Variants in SYNDIG1 observed in about 807,000 individuals in gnomAD.
SYNDIG1 encodes the protein synapse differentiation-inducing gene protein 1.
Under a neutral mutation model 19.4 loss-of-function variants are expected in SYNDIG1, and 9 were observed. The observed-to-expected ratio is 0.46, with a 90% CI of 0.28 to 0.81. The LOEUF is 0.81. Ranked by LOEUF, SYNDIG1 falls within the 30% of genes least tolerant of loss-of-function variation. The pLI is 0.12. For synonymous variants in SYNDIG1, 141 were observed against 145.9 expected (o/e 0.97, Z 0.24); for missense variants, 311 against 343.3 (o/e 0.91, Z 0.74).
In SYNDIG1 at chr20:24,658,813, C is replaced by T. The variant is rs1568721231; in HGVS notation, c.619-6533C>T. ...CGTTTTCTCCCAGATCCATGCTGTC[C>T]AGTGTGGGACCCCCAGCCATGGGTG... On this transcript the variant is annotated intron_variant, in intron 3 of 3. Coordinates refer to ENST00000376862, the MANE Select transcript of SYNDIG1 (RefSeq NM_024893.3). The surrounding 1 kb of genome is among the most constrained non-coding windows in gnomAD (Gnocchi z 4.4). Among the ~76,000 whole-genome samples the T allele has an allele frequency of 6.6e-6, 1 of 152,128 alleles. No homozygotes were observed. Among genetic ancestry groups the T allele is most frequent in the Non-Finnish European group, 1.5e-5 (1 of 68,016 alleles).
chr20:24,637,923 A>G (rs561373198), intron 3 of SYNDIG1, among the ~76,000 whole-genome samples: 2 of 152,334 alleles, frequency 1.3e-5, no homozygotes, highest in Admixed American at 1.3e-4. Context: ...GGGCTATCCT[A>G]GAAGCATCTT....
In SYNDIG1 at chr20:24,655,813, G is replaced by A. The variant is rs538718680; in HGVS notation, c.619-9533G>A. Among the ~76,000 whole-genome samples, 8 of 150,882 alleles carry A rather than the reference G, an allele frequency of 5.3e-5. No homozygotes were observed. In the South Asian group the frequency reaches 1.5e-3, roughly 28 times the overall value. On this transcript the variant is annotated intron_variant, in intron 3 of 3. Transcript: ENST00000376862. Reference sequence around the variant, plus strand: ...AAAAGACTAGAATGTTCATAGCAGAGCTATCCATAGTAGCCCAAAACTAGA... The same window carrying A: ...AAAAGACTAGAATGTTCATAGCAGAACTATCCATAGTAGCCCAAAACTAGA...
intron 1 of SYNDIG1, among the ~76,000 whole-genome samples, chr20:24,470,243 G>A (rs1378672888): frequency 1.3e-5 from 2 of 152,228 alleles, no homozygotes; most frequent in Non-Finnish European, 2.9e-5. Context: ...GGTGAGCCGG[G>A]CGGCCACGGA....
At chr20:24,595,589 T>G (rs1027187635) in intron 3 of SYNDIG1, among the ~76,000 whole-genome samples, 1 of 152,242 alleles carries the variant, frequency 6.6e-6, no homozygotes. Flanking sequence ...CTCTTCTTTA[T>G]GCATCTGGTG....
intron 2 of SYNDIG1, among the ~76,000 whole-genome samples, chr20:24,583,956 A>C (rs1220029205): frequency 6.6e-6 from 1 of 152,180 alleles, no homozygotes; most frequent in East Asian, 1.9e-4. Flanking sequence ...GTTATGAAAT[A>C]ATCTGTGCAC....
At chr20:24,491,654 C>A (rs552440321) in intron 1 of SYNDIG1, 2 of 152,422 alleles carry the variant, frequency 1.3e-5, no homozygotes, top group Admixed American at 1.3e-4. Context: ...CCAACACTGA[C>A]ACTGACCTTA....
chr20:24,624,718 A>T (rs1447791016), intron 3 of SYNDIG1, among the ~76,000 whole-genome samples: 2 of 152,226 alleles, frequency 1.3e-5, no homozygotes, highest in Non-Finnish European at 2.9e-5. Flanking sequence ...CATTAAAAGA[A>T]CATTTCATTC....
At chr20:24,561,403 G>A (rs539665978) in intron 2 of SYNDIG1, among the ~76,000 whole-genome samples, 11 of 152,278 alleles carry the variant, frequency 7.2e-5, no homozygotes, top group Admixed American at 3.3e-4. Flanking sequence ...TAGGAGAGCT[G>A]GAAGCACCTC....
intron 3 of SYNDIG1, among the ~76,000 whole-genome samples, chr20:24,604,706 G>T (rs1427862986): frequency 6.6e-6 from 1 of 152,068 alleles, no homozygotes; most frequent in African/African-American, 2.4e-5. Context: ...CCTCCCTTGG[G>T]GCTGCTCTGC....
chr20:24,512,145 A>G (rs1438181565), intron 1 of SYNDIG1, among the ~76,000 whole-genome samples: 3 of 118,914 alleles, frequency 2.5e-5, no homozygotes, highest in African/African-American at 6.1e-5. Context: ...ATATATATAT[A>G]TATATATATG....
At chr20:24,639,985 A>G (rs568886742) in intron 3 of SYNDIG1, among the ~76,000 whole-genome samples, 2 of 152,334 alleles carry the variant, frequency 1.3e-5, no homozygotes, top group Admixed American at 6.5e-5. Context: ...CTAGTAAATA[A>G]CACTACATAT....
chr20:24,596,761 C>T (rs1220628985), intron 3 of SYNDIG1: 3 of 152,388 alleles, frequency 2.0e-5, no homozygotes, highest in Non-Finnish European at 4.4e-5. Context: ...GAGCCCTTCC[C>T]CTGCATTCAG....
At chr20:24,630,691 G>C (rs1032982586) in intron 3 of SYNDIG1, among the ~76,000 whole-genome samples, 1 of 152,232 alleles carries the variant, frequency 6.6e-6, no homozygotes, top group African/African-American at 2.4e-5. Flanking sequence ...GGTCCTGGGA[G>C]CCTCATGCTG....
intron 3 of SYNDIG1, among the ~76,000 whole-genome samples, chr20:24,592,134 C>T (rs1174016223): frequency 6.6e-6 from 1 of 152,166 alleles, no homozygotes; most frequent in Non-Finnish European, 1.5e-5. Flanking sequence ...ATTTAATGTT[C>T]TGTAGCAGAG....
At chr20:24,572,765 C>G (rs891967199) in intron 2 of SYNDIG1, among the ~76,000 whole-genome samples, 2 of 152,176 alleles carry the variant, frequency 1.3e-5, no homozygotes, top group Non-Finnish European at 2.9e-5. Flanking sequence ...TATACTGTAT[C>G]TTTCCATTCC....
chr20:24,594,515 T>G (rs565494254), intron 3 of SYNDIG1, among the ~76,000 whole-genome samples: 1 of 152,308 alleles, frequency 6.6e-6, no homozygotes, highest in East Asian at 1.9e-4. Context: ...TGAGCTCTTT[T>G]GTGGTTCCAT....
chr20:24,569,109 G>A (rs547354690), intron 2 of SYNDIG1, among the ~76,000 whole-genome samples: 96 of 152,294 alleles, frequency 6.3e-4, no homozygotes, highest in Admixed American at 2.1e-3. Flanking sequence ...TCGGAAATAC[G>A]AACTCAATAA....
chr20:24,555,566 A>G (rs1205961821), intron 2 of SYNDIG1, among the ~76,000 whole-genome samples: 1 of 152,142 alleles, frequency 6.6e-6, no homozygotes, highest in Non-Finnish European at 1.5e-5. Context: ...TTATGTACGC[A>G]GTAGTCATTC....
chr20:24,582,331 C>T (rs1362850526), intron 2 of SYNDIG1, among the ~76,000 whole-genome samples: 1 of 125,890 alleles, frequency 7.9e-6, no homozygotes, highest in Non-Finnish European at 1.7e-5. Context: ...ATGCTGTCCC[C>T]ACGGCACGGC....
Sources: allele counts gnomAD v4.1 joint callset (sites outside exome capture counted in the v4.1 genomes callset), GRCh38; gene constraint gnomAD v4.1.1; non-coding constraint Gnocchi (gnomAD v3.1); transcripts MANE v1.5; gene names NCBI Gene and HGNC (gene_info 2026-07-23, HGNC 2026-07-21).